Variants in DNAH14 observed in about 807,000 individuals in gnomAD.
DNAH14 encodes dynein axonemal heavy chain 14, also known as axonemal beta dynein heavy chain 14.
DNAH14 carries 478 observed loss-of-function variants against 520.9 expected under a neutral mutation model. The ratio of observed to expected loss-of-function variants is 0.92; its 90% CI spans 0.85 to 0.99. The LOEUF (loss-of-function observed/expected upper bound fraction) is 0.99, where lower values mean the gene tolerates loss of function less well. DNAH14 is among the 50% of genes least tolerant of loss of function. DNAH14 has a pLI of 0.00. For missense variants in DNAH14, 4,831 were observed against 5,234.5 expected, an observed-to-expected ratio of 0.92 and a Z score of 2.38; for synonymous variants, 1,581 against 1,757.2, an observed-to-expected ratio of 0.90 and a Z score of 2.51.
intron 8 of DNAH14, among the ~76,000 whole-genome samples, chr1:224,999,483 G>A (rs1031450715): frequency 6.6e-6 from 1 of 152,096 alleles, no homozygotes; most frequent in African/African-American, 2.4e-5. Context: ...GGGATTACAG[G>A]TGTGAGCCAC....
intron 44 of DNAH14, among the ~76,000 whole-genome samples, chr1:225,254,123 C>T (rs1421851288): frequency 6.6e-6 from 1 of 151,932 alleles, no homozygotes; most frequent in African/African-American, 2.4e-5. Flanking sequence ...AAAGCAACCA[C>T]CAAGAACCTA....
chr1:225,210,662 C>T (rs895377708), intron 41 of DNAH14, among the ~76,000 whole-genome samples: 13 of 152,346 alleles, frequency 8.5e-5, no homozygotes, highest in African/African-American at 2.9e-4. Context: ...TGCTAAAGGA[C>T]AGACTGCCTC....
At chr1:225,154,038 T>TA (rs1284297631) in intron 34 of DNAH14, among the ~76,000 whole-genome samples, 2 of 151,482 alleles carry the variant, frequency 1.3e-5, no homozygotes, top group East Asian at 1.9e-4. Flanking sequence ...GCCTATTCTT[T>TA]AAAAAAAAGT....
intron 49 of DNAH14, 138 bp downstream of exon 49, chr1:225,266,907 C>T (rs550683932): frequency 4.4e-5 from 30 of 675,204 alleles, no homozygotes; most frequent in African/African-American, 3.8e-4. Flanking sequence ...AAGTTGAGAC[C>T]CTAAACTAAC....
intron 37 of DNAH14, among the ~76,000 whole-genome samples, chr1:225,191,562 A>T (rs185178516): frequency 4.6e-5 from 7 of 151,978 alleles, no homozygotes; most frequent in Admixed American, 1.3e-4. Flanking sequence ...TTTGTGTTTC[A>T]TGAGTTCTTG....
intron 49 of DNAH14, 77 bp downstream of exon 49, chr1:225,266,846 G>C: frequency 7.4e-7 from 1 of 1,345,096 alleles, no homozygotes. Context: ...ACAATGTTGA[G>C]TGAATTGCTT....
intron 69 of DNAH14, 63 bp from the exon 70 acceptor site, chr1:225,345,899 G>A (rs1008596916): frequency 5.9e-6 from 8 of 1,363,978 alleles, no homozygotes; most frequent in African/African-American, 2.9e-5. Flanking sequence ...AGTGCAGAGT[G>A]AGGAAATAGC....
chr1:224,939,689 C>A (rs900251), intron 1 of DNAH14, among the ~76,000 whole-genome samples: 22,493 of 150,742 alleles, frequency 0.15, 3,095 homozygotes, highest in African/African-American at 0.36. Context: ...ATCTCAACAA[C>A]AAAAAAAACT....
chr1:225,255,532 C>T (rs948921855), intron 44 of DNAH14, among the ~76,000 whole-genome samples: 2 of 152,126 alleles, frequency 1.3e-5, no homozygotes, highest in African/African-American at 4.8e-5. Context: ...TAATCTGAGG[C>T]CAGATACATT....
intron 23 of DNAH14, among the ~76,000 whole-genome samples, chr1:225,102,384 A>G (rs2075574211): frequency 6.6e-6 from 1 of 152,170 alleles, no homozygotes; most frequent in Non-Finnish European, 1.5e-5. Flanking sequence ...AGCATGATTT[A>G]TAATCCTTTG....
At chr1:225,312,315 A>T (rs1398419294) in intron 60 of DNAH14, among the ~76,000 whole-genome samples, 1 of 152,152 alleles carries the variant, frequency 6.6e-6, no homozygotes, top group Non-Finnish European at 1.5e-5. Context: ...AGACTGCTGA[A>T]GTTGCTTATC....
intron 75 of DNAH14, among the ~76,000 whole-genome samples, chr1:225,363,798 G>A (rs911725860): frequency 6.6e-6 from 1 of 152,114 alleles, no homozygotes; most frequent in Admixed American, 6.5e-5. Context: ...TAAATGCTGT[G>A]TAAATTGTTA....
intron 59 of DNAH14, among the ~76,000 whole-genome samples, chr1:225,307,968 A>T (rs2094283684): frequency 6.6e-6 from 1 of 152,322 alleles, no homozygotes; most frequent in East Asian, 1.9e-4. Context: ...TGAAATATTT[A>T]CTGTAGTCAT....
At chr1:225,119,546 A>G (rs540686531) in intron 26 of DNAH14, among the ~76,000 whole-genome samples, 1 of 152,200 alleles carries the variant, frequency 6.6e-6, no homozygotes, top group Non-Finnish European at 1.5e-5. Context: ...CAACCTTCAG[A>G]TGGCTTTTGT....
intron 41 of DNAH14, among the ~76,000 whole-genome samples, chr1:225,218,521 G>A (rs570226736): frequency 7.9e-4 from 120 of 151,124 alleles, no homozygotes; most frequent in Non-Finnish European, 5.5e-4. Context: ...CCTTGTCTCT[G>A]GTAAAACAGA....
chr1:225,083,532 A>G (rs2073386422), intron 20 of DNAH14, among the ~76,000 whole-genome samples: 1 of 152,146 alleles, frequency 6.6e-6, no homozygotes. Context: ...TATGTCTAAG[A>G]AATACCTCAA....
rs116286094 is a variant in DNAH14 at position 224,980,223 on chromosome 1, C to T, written c.830+6070C>T. ...ATTCCAAGCCTTGGTTCTTGGATGG[C>T]ATTTCTGGACCTGCACTGGGACAGA... On this transcript the variant is annotated intron_variant, in intron 8 of 85. Coordinates refer to ENST00000682510, the MANE Select transcript of DNAH14 (RefSeq NM_001367479.1). Among the ~76,000 whole-genome samples the T allele has an allele frequency of 5.0e-3, 765 of 152,284 alleles. 6 individuals are homozygous for T. Among genetic ancestry groups the T allele is most frequent in the African/African-American group, 0.017 (722 of 41,532 alleles).
chr1:224,943,284 A>G (rs2059553067), intron 1 of DNAH14, among the ~76,000 whole-genome samples: 1 of 152,024 alleles, frequency 6.6e-6, no homozygotes, highest in Admixed American at 6.6e-5. Flanking sequence ...ATTTGCGTAG[A>G]GGTGTTTATA....
At chr1:225,317,923 A>T (rs12121215) in intron 60 of DNAH14, among the ~76,000 whole-genome samples, 5,295 of 152,258 alleles carry the variant, frequency 0.035, 105 homozygotes, top group Non-Finnish European at 0.042. Flanking sequence ...CAGAAAACAG[A>T]AGTATTTCTG....
Sources: allele counts gnomAD v4.1 joint callset (sites outside exome capture counted in the v4.1 genomes callset), GRCh38; gene constraint gnomAD v4.1.1; transcripts MANE v1.5; gene names NCBI Gene and HGNC (gene_info 2026-07-23, HGNC 2026-07-21).